Variants in ATP6V0A2 observed in about 807,000 individuals in gnomAD.
ATP6V0A2 encodes the protein ATPase H+ transporting V0 subunit a2.
ATP6V0A2 carries 58 observed loss-of-function variants against 104.4 expected under a neutral mutation model. That is an observed-to-expected ratio of 0.56 (90% confidence interval 0.45 to 0.69). The LOEUF is 0.69. Ranked by LOEUF, ATP6V0A2 falls within the 30% of genes least tolerant of loss-of-function variation. The pLI is 0.00. For missense variants in ATP6V0A2, 938 were observed against 1,062.9 expected (o/e 0.88, Z 1.63); for synonymous variants, 376 against 397.9 (o/e 0.95, Z 0.65).
In ATP6V0A2 at chr12:123,761,344, C is replaced by G. The variant is rs1956820863; in HGVS notation, c.*3312C>G. The G allele has an allele frequency of 6.6e-6, 1 of 152,214 alleles. No homozygotes were observed. The highest frequency in any genetic ancestry group is 1.5e-5 in the Non-Finnish European group (1 of 68,046). 9.4% of individuals were successfully genotyped at this position (152,214 alleles called of 1,614,324 possible). On this transcript the variant is annotated 3_prime_UTR_variant, in exon 20 of 20. Coordinates refer to ENST00000330342, the MANE Select transcript of ATP6V0A2 (RefSeq NM_012463.4). ...ACAACTTCTACACCTATTCTACAGT[C>G]CGCATTTAAAACAATAAATTCCTCT...
At position 123,712,693 on chromosome 12, in the gene ATP6V0A2, C is replaced by T. The variant is rs1197710952; in HGVS notation, c.117+11C>T. 1.1e-5 allele frequency: 18 copies of T among 1,603,548 alleles called. No individual in the cohort carries two copies. Among genetic ancestry groups the T allele is most frequent in the Non-Finnish European group, 1.5e-5 (18 of 1,173,814 alleles). On this transcript the variant is annotated intron_variant, in intron 1 of 19. Transcript: ENST00000330342. ...GTCCAGTTCCGAGACGTGAGTGTCG[C>T]CCGGGAGACGCGGGCCGCACCTGCT... is the stretch of plus-strand genomic sequence containing the variant.
Position 123,748,586 on chromosome 12 carries a change from A to G in ATP6V0A2, c.1736A>G (p.Lys579Arg). Residue 579 changes from lysine to arginine, a missense_variant, in exon 15 of 20, where the codon AAG becomes AGG. Coordinates refer to ENST00000330342, the MANE Select transcript of ATP6V0A2 (RefSeq NM_012463.4). ...LGIFNHLHFR[K>R]KFNIYLVSIP... The stretch of plus-strand genomic sequence containing the variant: ...CTTTTCTTTCCTAGGCACTTCAGGA[A>G]GAAGTTCAACATTTACCTGGTTTCC... The G allele has an allele frequency of 1.2e-6, 2 of 1,613,068 alleles. No individual in the cohort carries two copies. The highest frequency in any genetic ancestry group is 1.7e-6 in the Non-Finnish European group (2 of 1,178,978).
intron 9 of ATP6V0A2, among the ~76,000 whole-genome samples, chr12:123,738,469 A>G (rs1956578030): frequency 6.6e-6 from 1 of 151,206 alleles, no homozygotes; most frequent in Admixed American, 6.6e-5. Context: ...GCCATTTTCC[A>G]TCGTATGTTG....
rs59540041 is a variant in ATP6V0A2 at position 123,725,021 on chromosome 12, C to T, written c.432+230C>T. On this transcript the variant is annotated intron_variant, in intron 4 of 19. Coordinates refer to ENST00000330342, the MANE Select transcript of ATP6V0A2 (RefSeq NM_012463.4). ...CACAATCTCGGCTCACTGCACCCTC[C>T]GCCTTCCGGGTTCAAGAGATTGTCC... 0.045 allele frequency among the ~76,000 whole-genome samples: 6,790 copies of T among 152,164 alleles called. 444 individuals are homozygous for T. The highest frequency in any genetic ancestry group is 0.15 in the African/African-American group (6,018 of 41,456).
At chr12:123,746,466 G>A (rs1956663107) in intron 13 of ATP6V0A2, among the ~76,000 whole-genome samples, 1 of 151,750 alleles carries the variant, frequency 6.6e-6, no homozygotes. Flanking sequence ...TTCAGGGCTA[G>A]GAACTGGGAG....
intron 15 of ATP6V0A2, 55 bp from the exon 16 acceptor site, chr12:123,751,055 C>T (rs1391692292): frequency 8.7e-6 from 14 of 1,612,002 alleles, no homozygotes; most frequent in Admixed American, 1.7e-5. Context: ...GTGCTGCTGA[C>T]CCTGCAGGCA....
chr12:123,751,310 C>T, intron 16 of ATP6V0A2, 81 bp downstream of exon 16: 2 of 1,586,544 alleles, frequency 1.3e-6, no homozygotes, highest in Admixed American at 1.7e-5. Context: ...GAAAACACCT[C>T]CTGGAGGGTC....
chr12:123,712,701 ACG>A lies in ATP6V0A2; in HGVS notation c.117+22_117+23del. 1 of 1,592,566 alleles carries A rather than the reference ACG, an allele frequency of 6.3e-7. No individual in the cohort carries two copies. The highest frequency in any genetic ancestry group is 2.2e-5 in the East Asian group (1 of 44,572). On this transcript the variant is annotated intron_variant, in intron 1 of 19. Transcript: ENST00000330342. The stretch of plus-strand genomic sequence containing the variant: ...CCGAGACGTGAGTGTCGCCCGGGAG[ACG>A]CGGGCCGCACCTGCTCTCCTGGCGC...
At chr12:123,717,549 A>C (rs997409167) in intron 1 of ATP6V0A2, among the ~76,000 whole-genome samples, 5 of 151,200 alleles carry the variant, frequency 3.3e-5, no homozygotes, top group Admixed American at 2.0e-4. Flanking sequence ...GGCTCAAGCA[A>C]TCCTCCTGCC....
At chr12:123,743,749 A>G (rs1174113040) in intron 9 of ATP6V0A2, 36 bp from the exon 10 acceptor site, 1 of 1,611,594 alleles carries the variant, frequency 6.2e-7, no homozygotes. Context: ...TTCTTCTTGG[A>G]TAGTAATTTT....
chr12:123,743,199 T>C (rs570432797), intron 9 of ATP6V0A2, among the ~76,000 whole-genome samples: 1 of 152,326 alleles, frequency 6.6e-6, no homozygotes, highest in South Asian at 2.1e-4. Flanking sequence ...CATTCAGTCC[T>C]GCTCTCACCC....
intron 17 of ATP6V0A2, among the ~76,000 whole-genome samples, chr12:123,752,942 T>A (rs1340967838): frequency 2.0e-5 from 3 of 152,198 alleles, no homozygotes; most frequent in Non-Finnish European, 4.4e-5. Context: ...CCTGGGCTTA[T>A]TTTTTCAGTC....
At chr12:123,748,434 T>C in intron 14 of ATP6V0A2, 141 bp from the exon 15 acceptor site, 1 of 749,954 alleles carries the variant, frequency 1.3e-6, no homozygotes, top group Non-Finnish European at 2.4e-6. Context: ...ATCTGGACAC[T>C]CAGATGTATC....
At chr12:123,712,834 C>T in intron 1 of ATP6V0A2, 152 bp downstream of exon 1, 1 of 770,684 alleles carries the variant, frequency 1.3e-6, no homozygotes, top group South Asian at 1.6e-5. Context: ...GCTCAGCGGC[C>T]AAAGCTTCCC....
chr12:123,749,818 G>C (rs1009864144), intron 15 of ATP6V0A2, among the ~76,000 whole-genome samples: 8 of 152,182 alleles, frequency 5.3e-5, no homozygotes, highest in African/African-American at 1.9e-4. Context: ...ATCAGAGCCT[G>C]TGTTCCTCCT....
At chr12:123,716,873 A>T (rs1209424320) in intron 1 of ATP6V0A2, among the ~76,000 whole-genome samples, 1 of 151,766 alleles carries the variant, frequency 6.6e-6, no homozygotes, top group Non-Finnish European at 1.5e-5. Flanking sequence ...AAGATTCTTA[A>T]TGCTCATTTA....
chr12:123,743,866 A>G lies in ATP6V0A2; in HGVS notation c.1120A>G (p.Lys374Glu), dbSNP rs201857139. 4.9e-5 allele frequency: 79 copies of G among 1,614,106 alleles called. No individual in the cohort carries two copies. Among genetic ancestry groups the G allele is most frequent in the Non-Finnish European group, 6.6e-5 (78 of 1,180,042 alleles). The stretch of plus-strand genomic sequence containing the variant: ...ACCCCCCACTCGGATCCGCACCAAC[A>G]AATTCACCGAGGGATTTCAGAACAT... Reference protein sequence around the residue: ...ETPPTRIRTNKFTEGFQNIVD... With the variant: ...ETPPTRIRTNEFTEGFQNIVD... Residue 374 changes from lysine to glutamate, a missense_variant, in exon 10 of 20, where the codon AAA becomes GAA. Coordinates refer to ENST00000330342, the MANE Select transcript of ATP6V0A2 (RefSeq NM_012463.4).
intron 8 of ATP6V0A2, among the ~76,000 whole-genome samples, 184 bp from the exon 9 acceptor site, chr12:123,736,875 C>G (rs745561750): frequency 2.0e-5 from 3 of 152,178 alleles, no homozygotes; most frequent in Non-Finnish European, 4.4e-5. Context: ...TTCTGCCCAC[C>G]TCCGAGTGGT....
chr12:123,758,202 A>G lies in ATP6V0A2; in HGVS notation c.*170A>G. The G allele has an allele frequency of 4.2e-6, 2 of 475,294 alleles. No individual in the cohort carries two copies. Among genetic ancestry groups the G allele is most frequent in the Non-Finnish European group, 7.3e-6 (2 of 272,194 alleles). 29.4% of individuals were successfully genotyped at this position (475,294 alleles called of 1,614,324 possible). On this transcript the variant is annotated 3_prime_UTR_variant, in exon 20 of 20. Transcript: ENST00000330342. ...CTTCCTCATATGTTAAATATTTTGT[A>G]AAGTTTACCAATTTGAGATATAAAA...
Sources: allele counts gnomAD v4.1 joint callset (sites outside exome capture counted in the v4.1 genomes callset), GRCh38; gene constraint gnomAD v4.1.1; transcripts MANE v1.5; gene names NCBI Gene and HGNC (gene_info 2026-07-23, HGNC 2026-07-21).